Variants in PARD3B observed in about 807,000 individuals in gnomAD.
The protein encoded by PARD3B is par-3 family cell polarity regulator beta.
A neutral mutation model predicts 130.2 loss-of-function variants in PARD3B; 103 were observed. That is an observed-to-expected ratio of 0.79 (90% CI 0.67 to 0.93). The LOEUF (loss-of-function observed/expected upper bound fraction) is 0.93, where lower values mean the gene tolerates loss of function less well. Ranked by LOEUF, PARD3B falls within the 40% of genes least tolerant of loss-of-function variation. The pLI, the probability that PARD3B is intolerant of heterozygous loss-of-function variation, is 0.00. For synonymous variants in PARD3B, 583 were observed against 553.2 expected, an observed-to-expected ratio of 1.05 and a Z score of -0.76; for missense variants, 1,609 against 1,499.2, an observed-to-expected ratio of 1.07 and a Z score of -1.21.
chr2:205,070,717 A>G (rs1002859902), intron 4 of PARD3B, among the ~76,000 whole-genome samples: 6 of 152,134 alleles, frequency 3.9e-5, no homozygotes, highest in African/African-American at 1.4e-4. Flanking sequence ...TAAGGTGGTG[A>G]CAAACTCATC....
At chr2:204,792,582 A>G (rs897505350) in intron 2 of PARD3B, among the ~76,000 whole-genome samples, 2 of 152,114 alleles carry the variant, frequency 1.3e-5, no homozygotes, top group African/African-American at 4.8e-5. Context: ...AGAAGAAAAC[A>G]TTTGGAATTT....
chr2:204,937,532 T>C (rs932997695), intron 2 of PARD3B, among the ~76,000 whole-genome samples: 16 of 152,190 alleles, frequency 1.1e-4, no homozygotes, highest in African/African-American at 3.6e-4. Context: ...CTATAAGCTC[T>C]TCAGTGGCAT....
intron 22 of PARD3B, among the ~76,000 whole-genome samples, chr2:205,608,278 G>A (rs190583664): frequency 2.1e-4 from 31 of 150,550 alleles, no homozygotes; most frequent in African/African-American, 6.3e-4. Flanking sequence ...TCTGACCTTG[G>A]AATTGAACCA....
intron 19 of PARD3B, among the ~76,000 whole-genome samples, chr2:205,426,525 G>C (rs1350928352): frequency 6.6e-6 from 1 of 152,110 alleles, no homozygotes; most frequent in African/African-American, 2.4e-5. Flanking sequence ...TTACCCCAGA[G>C]CTCTCCATGA....
At chr2:204,706,530 G>C (rs1448319722) in intron 2 of PARD3B, among the ~76,000 whole-genome samples, 1 of 152,060 alleles carries the variant, frequency 6.6e-6, no homozygotes, top group Non-Finnish European at 1.5e-5. Context: ...GCCTAGGTAG[G>C]GGTTTACTTT....
intron 14 of PARD3B, among the ~76,000 whole-genome samples, chr2:205,191,166 G>A (rs1342518017): frequency 2.6e-5 from 4 of 151,490 alleles, no homozygotes; most frequent in Non-Finnish European, 2.9e-5. Context: ...CTCTTCATTG[G>A]CAAATGCCTT....
intron 3 of PARD3B, among the ~76,000 whole-genome samples, chr2:205,020,839 T>C (rs1696539849): frequency 2.0e-5 from 3 of 152,080 alleles, no homozygotes; most frequent in Non-Finnish European, 4.4e-5. Flanking sequence ...AAGCTCTCAA[T>C]GTGAAATCAG....
chr2:205,399,805 C>T (rs1574923539), intron 18 of PARD3B, among the ~76,000 whole-genome samples: 1 of 152,294 alleles, frequency 6.6e-6, no homozygotes, highest in East Asian at 1.9e-4. Flanking sequence ...CATACTAACC[C>T]AGAGAAACCT....
chr2:205,582,668 G>GTT lies in PARD3B; in HGVS notation c.3260+29278_3260+29279dup, dbSNP rs76102730. Among the ~76,000 whole-genome samples the GTT allele has an allele frequency of 6.5e-3, 918 of 142,032 alleles. 9 individuals are homozygous for GTT. Among genetic ancestry groups the GTT allele is most frequent in the African/African-American group, 0.022 (860 of 39,210 alleles). The allele number at this position is 142,032 out of a possible 152,430, so 93.2% of individuals were successfully genotyped here. A position where few individuals can be genotyped will look rare whatever the true frequency, so the allele number is the denominator to read the frequency against. On this transcript the variant is annotated intron_variant, in intron 22 of 22. Transcript: ENST00000406610. The stretch of plus-strand genomic sequence containing the variant: ...ACCAAGAGCAACAAGGAAGGTTATT[G>GTT]TTTTTTTTTTTTTTCCTACGTGTCT...
chr2:204,948,352 T>C (rs1333799375), intron 2 of PARD3B, among the ~76,000 whole-genome samples: 1 of 152,204 alleles, frequency 6.6e-6, no homozygotes. Context: ...CAGCTACAAA[T>C]AAATAATGTT....
intron 2 of PARD3B, among the ~76,000 whole-genome samples, chr2:204,726,406 G>A (rs1172008104): frequency 1.3e-5 from 2 of 152,144 alleles, no homozygotes; most frequent in Non-Finnish European, 2.9e-5. Flanking sequence ...GGGCAATGGA[G>A]TCAAGGCCTT....
chr2:204,780,209 G>T (rs560414959), intron 2 of PARD3B, among the ~76,000 whole-genome samples: 4 of 152,214 alleles, frequency 2.6e-5, no homozygotes, highest in Non-Finnish European at 4.4e-5. Flanking sequence ...TGAGTTCTTA[G>T]CCTAATTAAT....
chr2:205,596,312 C>A (rs922236720), intron 22 of PARD3B, among the ~76,000 whole-genome samples: 1 of 152,114 alleles, frequency 6.6e-6, no homozygotes, highest in Non-Finnish European at 1.5e-5. Context: ...AGTTCAGTAA[C>A]CTTTGTGCTA....
At chr2:204,873,881 A>C (rs946536007) in intron 2 of PARD3B, among the ~76,000 whole-genome samples, 2 of 152,122 alleles carry the variant, frequency 1.3e-5, no homozygotes, top group African/African-American at 4.8e-5. Context: ...GGTGGCTCAC[A>C]CCTGTAATCC....
rs764153151 is a variant in PARD3B at position 205,193,248 on chromosome 2, A to C, written c.2068A>C (p.Asn690His). The change falls in exon 15 of 23, where the codon AAC (asparagine) becomes CAC (histidine). Residue 690 changes from asparagine (N) to histidine (H), a missense_variant. Physicochemically the swap from Asn to His is moderately conservative, Grantham distance 68. Coordinates refer to ENST00000406610, the MANE Select transcript of PARD3B (RefSeq NM_001302769.2). ...SAVYFPDQHI[N>H]FRSVTPARQP... is the part of the protein sequence containing the mutation. ...AGTATATTTTCCAGATCAGCACATC[A>C]ACTTCAGATCTGTGACACCGGCCAG... is the stretch of plus-strand genomic sequence containing the variant. 4 of 1,613,698 alleles carry C rather than the reference A, an allele frequency of 2.5e-6. No individual in the cohort carries two copies. In the South Asian group the frequency reaches 4.4e-5, roughly 18 times the overall value.
chr2:205,526,298 T>G (rs1421437844), intron 21 of PARD3B, among the ~76,000 whole-genome samples: 1 of 152,204 alleles, frequency 6.6e-6, no homozygotes, highest in Admixed American at 6.5e-5. Flanking sequence ...ATCACAGGTC[T>G]GGCCCACTCA....
At chr2:204,574,467 G>A (rs1278838907) in intron 1 of PARD3B, among the ~76,000 whole-genome samples, 1 of 152,194 alleles carries the variant, frequency 6.6e-6, no homozygotes, top group African/African-American at 2.4e-5. Context: ...CTTAACATCT[G>A]TGAGAGGTTA....
intron 2 of PARD3B, among the ~76,000 whole-genome samples, chr2:204,905,328 G>C (rs746366599): frequency 4.6e-5 from 7 of 152,164 alleles, no homozygotes; most frequent in Non-Finnish European, 8.8e-5. Flanking sequence ...GACCTGGCAT[G>C]GTGGGAGAGG....
At chr2:204,897,704 A>T (rs1223552011) in intron 2 of PARD3B, among the ~76,000 whole-genome samples, 1 of 152,076 alleles carries the variant, frequency 6.6e-6, no homozygotes, top group Non-Finnish European at 1.5e-5. Context: ...TTTGATGGTT[A>T]AGTTACCTCA....
Sources: gnomAD v4.1 joint callset for allele counts (sites outside exome capture counted in the v4.1 genomes callset) on GRCh38, gnomAD v4.1.1 for gene constraint, MANE v1.5 for transcripts, NCBI Gene and HGNC (gene_info 2026-07-23, HGNC 2026-07-21) for gene names.